The following RNF150 variants were observed in gnomAD, a reference collection of about 807,000 sequenced individuals.
RNF150 encodes ring finger protein 150.
Under a neutral mutation model 39.3 loss-of-function variants are expected in RNF150, and 24 were observed. The observed-to-expected ratio is 0.61, with a 90% CI of 0.44 to 0.86. RNF150 has a LOEUF of 0.86. Among genes scored for constraint, RNF150 ranks in the 40% least tolerant of loss-of-function variants. RNF150 has a pLI of 0.00. For synonymous variants in RNF150, 255 were observed against 227.3 expected (o/e 1.12, Z -1.10); for missense variants, 502 against 587.8 (o/e 0.85, Z 1.51).
chr4:141,194,382 AC>A (rs749997531), intron 1 of RNF150, among the ~76,000 whole-genome samples: 27 of 152,210 alleles, frequency 1.8e-4, no homozygotes, highest in Admixed American at 1.2e-3. Flanking sequence ...ATTTGAAAGA[AC>A]TATACGGTAT....
intron 1 of RNF150, among the ~76,000 whole-genome samples, chr4:141,052,454 C>A (rs1560711151): frequency 6.6e-6 from 1 of 152,204 alleles, no homozygotes; most frequent in Non-Finnish European, 1.5e-5. Flanking sequence ...TGGCTCACTG[C>A]AACCTCCACC....
chr4:140,868,251 A>T lies in RNF150; in HGVS notation c.*10T>A. 1 of 1,484,332 alleles carries T rather than the reference A, an allele frequency of 6.7e-7. No individual in the cohort carries two copies. The highest frequency in any genetic ancestry group is 9.4e-7 in the Non-Finnish European group (1 of 1,062,330). 91.9% of individuals were successfully genotyped at this position (1,484,332 alleles called of 1,614,324 possible). A position where few individuals can be genotyped will look rare whatever the true frequency, so the allele number is the denominator to read the frequency against. On this transcript the variant is annotated 3_prime_UTR_variant, in exon 7 of 7. Transcript: ENST00000515673. ...GGTCCTACTATCTCTTTGCTTCTGGATTTGTCGTTTCAAGATTTCACTTCT... is the reference window on the plus strand; with the variant it reads ...GGTCCTACTATCTCTTTGCTTCTGGTTTTGTCGTTTCAAGATTTCACTTCT...
At chr4:140,979,536 AAC>A (rs1579023104) in intron 1 of RNF150, among the ~76,000 whole-genome samples, 1 of 152,014 alleles carries the variant, frequency 6.6e-6, no homozygotes, top group East Asian at 1.9e-4. Context: ...AGTAAGTATT[AAC>A]AGTTATTATT....
intron 1 of RNF150, among the ~76,000 whole-genome samples, chr4:141,066,869 G>A (rs1300178012): frequency 1.3e-5 from 2 of 152,112 alleles, no homozygotes; most frequent in Admixed American, 6.6e-5. Flanking sequence ...TGACTTTGTT[G>A]TTGTGCAAAC....
At chr4:141,160,749 C>G (rs1478439084) in intron 1 of RNF150, among the ~76,000 whole-genome samples, 1 of 152,184 alleles carries the variant, frequency 6.6e-6, no homozygotes, top group Non-Finnish European at 1.5e-5. Flanking sequence ...TCTTCCTGCT[C>G]TAGCTAAGTA....
rs1349839885 is a variant in RNF150 at position 141,132,938 on chromosome 4, C to A, written c.-130G>T. On this transcript the variant is annotated 5_prime_UTR_variant, in exon 1 of 7. Coordinates refer to ENST00000515673, the MANE Select transcript of RNF150 (RefSeq NM_020724.2). This position sits in a 1 kb window ranked among gnomAD's most constrained non-coding sequence, Gnocchi z 4.9. ...GCTCACTCCCGGGCCGGAGGGGCCGCGGCCGGGACGCGCAGCCGCCGCGGG... is the reference window on the plus strand; with the variant it reads ...GCTCACTCCCGGGCCGGAGGGGCCGAGGCCGGGACGCGCAGCCGCCGCGGG... 13 of 695,022 alleles carry A rather than the reference C, an allele frequency of 1.9e-5. No individual in the cohort carries two copies. Among genetic ancestry groups the A allele is most frequent in the Non-Finnish European group, 2.9e-5 (13 of 442,948 alleles). The allele number at this position is 695,022 out of a possible 1,614,324, so 43.1% of individuals were successfully genotyped here.
At position 141,204,530 on chromosome 4, in the gene RNF150, TCCTCC is replaced by T. The variant is rs539831981; in HGVS notation, c.-6+8259_-6+8263del. Among the ~76,000 whole-genome samples, 592 of 152,212 alleles carry T rather than the reference TCCTCC, an allele frequency of 3.9e-3. 6 individuals are homozygous for T. Among genetic ancestry groups the T allele is most frequent in the African/African-American group, 0.014 (576 of 41,524 alleles). The stretch of plus-strand genomic sequence containing the variant: ...AAGTACAAATATTTTGCATCCCATC[TCCTCC>T]CTTTCCTATGAGTATGTGCCATTTA... On this transcript the variant is annotated intron_variant, in intron 1 of 7. Coordinates refer to the RNF150 transcript ENST00000420921.
intron 6 of RNF150, among the ~76,000 whole-genome samples, chr4:140,903,410 A>G (rs1385809338): frequency 6.6e-6 from 1 of 152,080 alleles, no homozygotes; most frequent in Non-Finnish European, 1.5e-5. Context: ...GCTTTTTTTA[A>G]TCTCTGAATG....
intron 1 of RNF150, among the ~76,000 whole-genome samples, chr4:141,126,262 G>C (rs1726753479): frequency 6.6e-6 from 1 of 152,126 alleles, no homozygotes; most frequent in South Asian, 2.1e-4. Flanking sequence ...CTAAGTGATA[G>C]AGAATCACAT....
At chr4:140,997,557 A>G (rs1480582913) in intron 1 of RNF150, among the ~76,000 whole-genome samples, 1 of 152,156 alleles carries the variant, frequency 6.6e-6, no homozygotes, top group African/African-American at 2.4e-5. Flanking sequence ...AACACTTAAA[A>G]GACAAAGCTC....
intron 5 of RNF150, among the ~76,000 whole-genome samples, chr4:140,924,157 C>G (rs1348870675): frequency 6.6e-6 from 1 of 152,134 alleles, no homozygotes; most frequent in Non-Finnish European, 1.5e-5. Flanking sequence ...AAAGATGCTA[C>G]TGATGTTTAT....
At chr4:140,969,684 CA>C (rs59901036) in intron 1 of RNF150, among the ~76,000 whole-genome samples, 2,517 of 144,834 alleles carry the variant, frequency 0.017, 63 homozygotes, top group African/African-American at 0.059. Context: ...TCTAGAAGTA[CA>C]TTTTTTTTTT....
intron 1 of RNF150, among the ~76,000 whole-genome samples, chr4:141,172,688 A>G (rs1023703597): frequency 6.6e-6 from 1 of 152,136 alleles, no homozygotes; most frequent in African/African-American, 2.4e-5. Flanking sequence ...AACAACACTC[A>G]CTTGAGCATT....
Position 140,865,546 on chromosome 4 carries a change from T to A in RNF150, c.*2715A>T, listed in dbSNP as rs1369904869. On this transcript the variant is annotated 3_prime_UTR_variant, in exon 7 of 7. Transcript: ENST00000515673. ...AGAGAAACTTTCTGGTTAAGCTTTTTTTTTTTCTTTTTTTTTTTTTTTTTA... is the reference window on the plus strand; with the variant it reads ...AGAGAAACTTTCTGGTTAAGCTTTTATTTTTTCTTTTTTTTTTTTTTTTTA... 6.8e-6 allele frequency: 1 copy of A among 147,430 alleles called. No individual in the cohort carries two copies. The highest frequency in any genetic ancestry group is 1.5e-5 in the Non-Finnish European group (1 of 67,166). 9.1% of individuals were successfully genotyped at this position (147,430 alleles called of 1,614,324 possible).
intron 1 of RNF150, among the ~76,000 whole-genome samples, chr4:141,142,228 A>T (rs1232636694): frequency 6.6e-6 from 1 of 152,106 alleles, no homozygotes; most frequent in Admixed American, 6.5e-5. Context: ...TGATCCTAAA[A>T]CCTATCATCT....
At chr4:140,921,417 G>A (rs1317345604) in intron 5 of RNF150, among the ~76,000 whole-genome samples, 1 of 152,074 alleles carries the variant, frequency 6.6e-6, no homozygotes, top group Non-Finnish European at 1.5e-5. Flanking sequence ...GACTAAAGCA[G>A]GAAGAAGTTG....
At chr4:141,141,238 T>G (rs1218263433) in intron 1 of RNF150, among the ~76,000 whole-genome samples, 5 of 152,222 alleles carry the variant, frequency 3.3e-5, no homozygotes, top group Non-Finnish European at 7.4e-5. Context: ...TTCTGTAAAG[T>G]TTCTCTTCTG....
intron 1 of RNF150, among the ~76,000 whole-genome samples, chr4:141,050,239 C>G (rs1736726806): frequency 6.6e-6 from 1 of 150,848 alleles, no homozygotes; most frequent in Non-Finnish European, 1.5e-5. Flanking sequence ...ATTTTTTTTT[C>G]CTCCCATGAC....
chr4:141,198,865 A>G (rs1728246468), intron 1 of RNF150, among the ~76,000 whole-genome samples: 3 of 152,246 alleles, frequency 2.0e-5, no homozygotes, highest in Non-Finnish European at 4.4e-5. Context: ...AGCATAATTC[A>G]TCAAATAAAA....
Sources: allele counts gnomAD v4.1 joint callset (sites outside exome capture counted in the v4.1 genomes callset), GRCh38; gene constraint gnomAD v4.1.1; non-coding constraint Gnocchi (gnomAD v3.1); transcripts MANE v1.5; gene names NCBI Gene and HGNC (gene_info 2026-07-23, HGNC 2026-07-21).